The following DTHD1 variants were observed in gnomAD, a reference collection of about 807,000 sequenced individuals.
DTHD1 encodes death domain containing 1, also known as death domain-containing protein 1.
DTHD1 carries 59 observed loss-of-function variants against 74.8 expected under a neutral mutation model. That is an observed-to-expected ratio of 0.79 (90% confidence interval 0.64 to 0.98). The LOEUF is 0.98. DTHD1 is among the 50% of genes least tolerant of loss of function. DTHD1 has a pLI of 0.00. For synonymous variants in DTHD1, 365 were observed against 371.1 expected (o/e 0.98, Z 0.19); for missense variants, 1,051 against 1,065.4 (o/e 0.99, Z 0.19).
chr4:36,328,407 C>T (rs1758474689), intron 8 of DTHD1, among the ~76,000 whole-genome samples: 2 of 152,170 alleles, frequency 1.3e-5, no homozygotes. Context: ...ACGAAGACAA[C>T]AGCAGATTAT....
chr4:36,306,018 G>C (rs1378115057), intron 5 of DTHD1, among the ~76,000 whole-genome samples, 173 bp from the exon 6 acceptor site: 4 of 152,076 alleles, frequency 2.6e-5, no homozygotes, highest in Admixed American at 2.6e-4. Context: ...GCTTCTTTAG[G>C]GCAAGGGTTA....
intron 8 of DTHD1, among the ~76,000 whole-genome samples, chr4:36,320,692 G>A (rs931250924): frequency 3.9e-5 from 6 of 152,106 alleles, no homozygotes; most frequent in Non-Finnish European, 7.3e-5. Flanking sequence ...TAACTAAATG[G>A]GAATTGAAAC....
chr4:36,293,349 T>C (rs187660352), intron 3 of DTHD1, among the ~76,000 whole-genome samples, 177 bp from the exon 4 acceptor site: 32 of 152,354 alleles, frequency 2.1e-4, no homozygotes, highest in Admixed American at 3.9e-4. Flanking sequence ...GAAACTCTTA[T>C]CTATTTCTAC....
intron 2 of DTHD1, among the ~76,000 whole-genome samples, chr4:36,284,933 C>T (rs1325388493): frequency 1.3e-5 from 2 of 152,118 alleles, no homozygotes; most frequent in Non-Finnish European, 1.5e-5. Context: ...AATCATATCC[C>T]AAAAGGACCC....
intron 8 of DTHD1, among the ~76,000 whole-genome samples, chr4:36,324,644 C>G (rs1758235354): frequency 6.6e-6 from 1 of 152,008 alleles, no homozygotes; most frequent in Non-Finnish European, 1.5e-5. Flanking sequence ...ACAAGATATT[C>G]TGTAAGGCCT....
chr4:36,316,471 A>G lies in DTHD1; in HGVS notation c.2325A>G (p.Pro775=). The G allele has an allele frequency of 1.9e-6, 3 of 1,549,014 alleles. No individual in the cohort carries two copies. Among genetic ancestry groups the G allele is most frequent in the Non-Finnish European group, 2.6e-6 (3 of 1,146,342 alleles). ...NHSQLPICKL[P]LKLPKHKKLI... is the part of the protein sequence containing the mutation. ...CTCAGTTGCCAATTTGCAAATTACC[A>G]TTGAAATTGCCAAAGGTGAGTTATT... The change falls in exon 8 of 10, where the codon CCA becomes CCG. Residue 775 remains proline (P), a synonymous_variant. Coordinates refer to ENST00000639862, the MANE Select transcript of DTHD1 (RefSeq NM_001170700.3).
intron 5 of DTHD1, among the ~76,000 whole-genome samples, chr4:36,300,717 G>T (rs1380420235): frequency 6.6e-6 from 1 of 152,064 alleles, no homozygotes; most frequent in Non-Finnish European, 1.5e-5. Flanking sequence ...AGAAGGAAAT[G>T]ATAATTTTAT....
At chr4:36,339,213 C>A in intron 9 of DTHD1, 44 bp downstream of exon 9, 2 of 1,348,662 alleles carry the variant, frequency 1.5e-6, no homozygotes, top group South Asian at 1.3e-5. Context: ...CTTCCCCACC[C>A]CCTTATATGT....
intron 8 of DTHD1, among the ~76,000 whole-genome samples, chr4:36,332,486 C>T (rs1758754419): frequency 6.6e-6 from 1 of 152,162 alleles, no homozygotes; most frequent in South Asian, 2.1e-4. Context: ...GATGGGATAT[C>T]ACCAAACAAA....
In DTHD1 at chr4:36,323,677, G is replaced by A. The variant is rs187781401; in HGVS notation, c.2340+7191G>A. 5.5e-4 allele frequency among the ~76,000 whole-genome samples: 84 copies of A among 151,872 alleles called. 1 individual carries two copies. Among genetic ancestry groups the A allele is most frequent in the Middle Eastern group, 6.8e-3 (2 of 294 alleles). On this transcript the variant is annotated intron_variant, in intron 8 of 9. Coordinates refer to ENST00000639862, the MANE Select transcript of DTHD1 (RefSeq NM_001170700.3). ...CTTTGTTCTTGCTGTGGTTTTTGAG[G>A]GAATAGTGCCCACATTGTGATTGTT...
At chr4:36,310,392 T>A (rs1757325806) in intron 7 of DTHD1, among the ~76,000 whole-genome samples, 1 of 152,202 alleles carries the variant, frequency 6.6e-6, no homozygotes. Context: ...AGAGTTGCCA[T>A]CACAACAATT....
At position 36,290,385 on chromosome 4, in the gene DTHD1, G is replaced by T. The variant is rs1474035231; in HGVS notation, c.900G>T (p.Val300=). Residue 300 remains valine, a synonymous_variant, in exon 3 of 10, where the codon GTG becomes GTT. Transcript: ENST00000639862. ...NNIMEKEYLD[V]LSDVTGPQVS... ...TTTCCCCCTCCAGGTATCTTGATGT[G>T]CTGAGTGATGTTACTGGCCCCCAAG... 2 of 1,549,740 alleles carry T rather than the reference G, an allele frequency of 1.3e-6. No homozygotes were observed. The highest frequency in any genetic ancestry group is 1.7e-6 in the Non-Finnish European group (2 of 1,145,438).
At position 36,344,910 on chromosome 4, in the gene DTHD1, G is replaced by A. The variant is rs1759512539; in HGVS notation, c.*1086G>A. The stretch of plus-strand genomic sequence containing the variant: ...TTGGACTGAAAGACTTGATGTCGGT[G>A]GTAGTAACTCACTTTAAAAAAACCT... On this transcript the variant is annotated 3_prime_UTR_variant, in exon 10 of 10. Coordinates refer to ENST00000639862, the MANE Select transcript of DTHD1 (RefSeq NM_001170700.3). The A allele has an allele frequency of 6.6e-6, 1 of 151,822 alleles. No homozygotes were observed. Among genetic ancestry groups the A allele is most frequent in the Non-Finnish European group, 1.5e-5 (1 of 67,966 alleles). The allele number at this position is 151,822 out of a possible 1,614,324, so 9.4% of individuals were successfully genotyped here. A position where few individuals can be genotyped will look rare whatever the true frequency, so the allele number is the denominator to read the frequency against.
In DTHD1 at chr4:36,297,754, G is replaced by C. The variant is rs1432215411; in HGVS notation, c.1643+2715G>C. Among the ~76,000 whole-genome samples the C allele has an allele frequency of 5.9e-5, 9 of 152,134 alleles. No homozygotes were observed. In the East Asian group the frequency reaches 1.2e-3, roughly 20 times the overall value. ...AAACTGTACCTCAAGCCCCTGGCAC[G>C]TGTGCATGGGTGGGGTTGAAAAGAA... On this transcript the variant is annotated intron_variant, in intron 5 of 9. Coordinates refer to ENST00000639862, the MANE Select transcript of DTHD1 (RefSeq NM_001170700.3).
Position 36,343,737 on chromosome 4 carries a change from GA to G in DTHD1, c.2635del (p.Ser879ValfsTer25), listed in dbSNP as rs529758698. 2.9e-4 allele frequency: 454 copies of G among 1,551,572 alleles called. 4 individuals carry two copies. In the East Asian group the frequency reaches 0.011, roughly 36 times the overall value. On this transcript the variant is annotated frameshift_variant, in exon 10 of 10. Coordinates refer to ENST00000639862, the MANE Select transcript of DTHD1 (RefSeq NM_001170700.3). LOFTEE classifies it high-confidence loss of function. Reference protein sequence around the residue: ...LARHLRKIGRSDLAEELKFKW... With the variant: ...LARHLRKIGRXDLAEELKFKW... ...CTCGACATCTCCGCAAGATTGGCAG[GA>G]GTGATCTTGCAGAAGAGCTCAAATT...
chr4:36,290,463 G>A lies in DTHD1; in HGVS notation c.978G>A (p.Arg326=). The A allele has an allele frequency of 6.4e-7, 1 of 1,551,832 alleles. No homozygotes were observed. Among genetic ancestry groups the A allele is most frequent in the East Asian group, 2.4e-5 (1 of 40,910 alleles). ...ATGTTCTACAACAACTAGAATGCCG[G>A]ATAATAAATCACATGAGTTCTTTAA... ...PSYVLQQLEC[R]IINHMSSLIV... The change falls in exon 3 of 10, where the codon CGG becomes CGA. Residue 326 remains arginine (R), a synonymous_variant. Coordinates refer to ENST00000639862, the MANE Select transcript of DTHD1 (RefSeq NM_001170700.3).
intron 5 of DTHD1, among the ~76,000 whole-genome samples, chr4:36,297,633 C>G (rs1756512817): frequency 6.6e-6 from 1 of 152,116 alleles, no homozygotes; most frequent in Non-Finnish European, 1.5e-5. Context: ...TCTCTCATGG[C>G]CAGTGATGCC....
chr4:36,283,373 T>A (rs1578429127), intron 1 of DTHD1, among the ~76,000 whole-genome samples: 1 of 152,220 alleles, frequency 6.6e-6, no homozygotes, highest in Non-Finnish European at 1.5e-5. Context: ...TGGTCAGAGC[T>A]ATTCTCTGAA....
chr4:36,305,591 C>T (rs1181077940), intron 5 of DTHD1, among the ~76,000 whole-genome samples: 2 of 152,098 alleles, frequency 1.3e-5, no homozygotes, highest in African/African-American at 2.4e-5. Context: ...CACAGCCAAA[C>T]CATATCGGTA....
Sources: gnomAD v4.1 joint callset for allele counts (sites outside exome capture counted in the v4.1 genomes callset) on GRCh38, gnomAD v4.1.1 for gene constraint, MANE v1.5 for transcripts, NCBI Gene and HGNC (gene_info 2026-07-23, HGNC 2026-07-21) for gene names.